The following EDA variants were observed in gnomAD, a reference collection of about 807,000 sequenced individuals.
EDA encodes the protein ectodysplasin A.
EDA carries 2 observed loss-of-function variants against 23.6 expected under a neutral mutation model. The ratio of observed to expected loss-of-function variants is 0.08; its 90% CI spans 0.03 to 0.27. The LOEUF is 0.27. Ranked by LOEUF, EDA falls within the 10% of genes least tolerant of loss-of-function variation. The pLI is 1.00. For missense variants in EDA, 229 were observed against 324.2 expected, an observed-to-expected ratio of 0.71 and a Z score of 2.26; for synonymous variants, 131 against 132.0, an observed-to-expected ratio of 0.99 and a Z score of 0.05.
intron 2 of EDA, among the ~76,000 whole-genome samples, chrX:69,979,375 T>A (rs931540214): frequency 8.9e-6 from 1 of 112,195 alleles, no homozygotes; most frequent in Non-Finnish European, 1.9e-5. Flanking sequence ...AAGATTTTTA[T>A]GGAAATATGT....
At chrX:69,860,331 G>C (rs1195798003) in intron 1 of EDA, among the ~76,000 whole-genome samples, 3 of 111,574 alleles carry the variant, frequency 2.7e-5, no homozygotes, top group Non-Finnish European at 5.7e-5. Flanking sequence ...TCACTGGTCT[G>C]TGTACTTCAG....
chrX:69,792,654 A>G (rs2147473661), intron 1 of EDA, among the ~76,000 whole-genome samples: 1 of 112,183 alleles, frequency 8.9e-6, no homozygotes, highest in Admixed American at 9.4e-5. Flanking sequence ...CCTTTTAATT[A>G]CAGCCATTTT....
intron 2 of EDA, chrX:69,957,336 A>C (rs1001830159): frequency 7.5e-6 from 3 of 397,504 alleles, no homozygotes; most frequent in Non-Finnish European, 1.3e-5. Flanking sequence ...TACTAAAAAT[A>C]CAAAAAAAAT....
intron 1 of EDA, chrX:69,937,846 C>T: frequency 8.4e-7 from 1 of 1,194,978 alleles, no homozygotes; most frequent in South Asian, 1.8e-5. Context: ...TGATAGTCAG[C>T]ATTGCTCCTG....
intron 1 of EDA, among the ~76,000 whole-genome samples, chrX:69,822,512 G>C (rs2016254377): frequency 9.0e-6 from 1 of 110,851 alleles, no homozygotes; most frequent in Non-Finnish European, 1.9e-5. Flanking sequence ...TGAAAGGGCA[G>C]AACTCAAGTC....
intron 1 of EDA, among the ~76,000 whole-genome samples, chrX:69,682,104 G>A (rs1236671339): frequency 3.6e-5 from 4 of 112,208 alleles, no homozygotes; most frequent in Non-Finnish European, 7.5e-5. Context: ...GTCTGCCCCT[G>A]CTGGGGGTGC....
At chrX:70,012,548 C>G (rs1043826558) in intron 2 of EDA, among the ~76,000 whole-genome samples, 1 of 112,601 alleles carries the variant, frequency 8.9e-6, no homozygotes, top group African/African-American at 3.2e-5. Context: ...AACTCCTATA[C>G]TGCTGAAATG....
chrX:69,750,893 T>C (rs1357285193), intron 1 of EDA, among the ~76,000 whole-genome samples: 1 of 111,854 alleles, frequency 8.9e-6, no homozygotes, highest in East Asian at 2.8e-4. Flanking sequence ...CTTATAAATT[T>C]GTTTAAGTTC....
At chrX:69,785,471 A>G (rs1256552360) in intron 1 of EDA, among the ~76,000 whole-genome samples, 2 of 107,016 alleles carry the variant, frequency 1.9e-5, no homozygotes, top group Admixed American at 1.0e-4. Flanking sequence ...TGTCCCACCA[A>G]TACCTAATTT....
chrX:69,785,754 CT>C (rs921611870), intron 1 of EDA, among the ~76,000 whole-genome samples: 3 of 106,007 alleles, frequency 2.8e-5, no homozygotes, highest in African/African-American at 6.7e-5. Flanking sequence ...CTAAAATTCT[CT>C]TTTTTGGTTG....
chrX:69,909,123 CT>C (rs2018220266), intron 1 of EDA, among the ~76,000 whole-genome samples: 1 of 111,511 alleles, frequency 9.0e-6, no homozygotes, highest in African/African-American at 3.3e-5. Context: ...GTTTATAAAA[CT>C]TTTCCCCCCA....
At chrX:69,874,397 C>T (rs372546978) in intron 1 of EDA, among the ~76,000 whole-genome samples, 8 of 111,724 alleles carry the variant, frequency 7.2e-5, no homozygotes, top group East Asian at 2.8e-4. Flanking sequence ...AAAAATCACA[C>T]GATCATCTCA....
At chrX:69,705,464 C>T (rs1362195884) in intron 1 of EDA, among the ~76,000 whole-genome samples, 1 of 111,750 alleles carries the variant, frequency 8.9e-6, no homozygotes, top group Non-Finnish European at 1.9e-5. Flanking sequence ...ACACCATTTA[C>T]TCTGAAGATA....
At chrX:69,685,792 G>T (rs1229611831) in intron 1 of EDA, among the ~76,000 whole-genome samples, 1 of 111,930 alleles carries the variant, frequency 8.9e-6, no homozygotes, top group Non-Finnish European at 1.9e-5. Flanking sequence ...ACTAAAGTCA[G>T]TTCAGAAGGA....
At chrX:69,728,997 A>T (rs1475903144) in intron 1 of EDA, 2 of 111,858 alleles carry the variant, frequency 1.8e-5, no homozygotes, top group African/African-American at 6.5e-5. Context: ...AAAACCAAAT[A>T]AAATGAATCT....
At chrX:69,712,691 C>A (rs1285249094) in intron 1 of EDA, among the ~76,000 whole-genome samples, 1 of 111,217 alleles carries the variant, frequency 9.0e-6, no homozygotes, top group African/African-American at 3.3e-5. Context: ...TACCATTTGA[C>A]CCAGCCATCC....
intron 1 of EDA, among the ~76,000 whole-genome samples, chrX:69,720,125 G>A (rs1436293033): frequency 2.7e-5 from 3 of 111,483 alleles, no homozygotes; most frequent in Non-Finnish European, 5.6e-5. Flanking sequence ...GAATTGTACT[G>A]CAGTAAACAT....
At chrX:69,787,936 A>G (rs1395563866) in intron 1 of EDA, among the ~76,000 whole-genome samples, 1 of 111,736 alleles carries the variant, frequency 8.9e-6, no homozygotes, top group Non-Finnish European at 1.9e-5. Flanking sequence ...CACCAATCAG[A>G]CATAGATTTG....
At chrX:69,831,947 A>T (rs2016621257) in intron 1 of EDA, among the ~76,000 whole-genome samples, 1 of 111,532 alleles carries the variant, frequency 9.0e-6, no homozygotes. Flanking sequence ...GCCCTTTGTC[A>T]GATGGGTAGA....
Sources: gnomAD v4.1 joint callset for allele counts (sites outside exome capture counted in the v4.1 genomes callset) on GRCh38, gnomAD v4.1.1 for gene constraint, MANE v1.5 for transcripts, NCBI Gene and HGNC (gene_info 2026-07-23, HGNC 2026-07-21) for gene names.